The following ZNF25 variants were observed in gnomAD, a reference collection of about 807,000 sequenced individuals.
ZNF25 encodes zinc finger protein 25, also known as zinc finger protein 25 (KOX 19).
Under a neutral mutation model 30.9 loss-of-function variants are expected in ZNF25, and 21 were observed. The observed-to-expected ratio is 0.68, with a 90% CI of 0.48 to 0.98. The LOEUF (loss-of-function observed/expected upper bound fraction) is 0.98. Among genes scored for constraint, ZNF25 ranks in the 50% least tolerant of loss-of-function variants. ZNF25 has a pLI of 0.00. For synonymous variants in ZNF25, 169 were observed against 181.3 expected (o/e 0.93, Z 0.55); for missense variants, 501 against 529.9 (o/e 0.95, Z 0.54).
In ZNF25 at chr10:37,952,701, G is replaced by C; in HGVS notation, c.797C>G (p.Ala266Gly). The change falls in exon 6 of 6, where the codon GCC becomes GGC. Residue 266 changes from alanine to glycine, a missense_variant. Ala to Gly is a moderately conservative substitution (Grantham distance 60). Coordinates refer to ENST00000302609, the MANE Select transcript of ZNF25 (RefSeq NM_145011.4). ...TGTGAGGTGTGACTTCTGGGAAAAG[G>C]CTTTCCCACACTCCTTACACTCATA... ...KPYECKECGK[A>G]FSQKSHLTVH... The C allele has an allele frequency of 6.2e-7, 1 of 1,613,148 alleles. No individual in the cohort carries two copies. The highest frequency in any genetic ancestry group is 8.5e-7 in the Non-Finnish European group (1 of 1,179,762).
At position 37,953,209 on chromosome 10, in the gene ZNF25, T is replaced by C; in HGVS notation, c.303-14A>G. ...AGTTCTCCATTCCTAGACAGAAAGTTCCACATTCATTAATGTGTAAGACTT... is the reference window on the plus strand; with the variant it reads ...AGTTCTCCATTCCTAGACAGAAAGTCCCACATTCATTAATGTGTAAGACTT... On this transcript the variant is annotated splice_polypyrimidine_tract_variant and intron_variant, in intron 5 of 5. Coordinates refer to ENST00000302609, the MANE Select transcript of ZNF25 (RefSeq NM_145011.4). 1 of 1,558,554 alleles carries C rather than the reference T, an allele frequency of 6.4e-7. No individual in the cohort carries two copies. The highest frequency in any genetic ancestry group is 8.6e-7 in the Non-Finnish European group (1 of 1,160,190).
chr10:37,975,273 CAAAG>C (rs2063737908), intron 1 of ZNF25, among the ~76,000 whole-genome samples: 1 of 151,180 alleles, frequency 6.6e-6, no homozygotes, highest in Non-Finnish European at 1.5e-5. Flanking sequence ...ATTTGCAACA[CAAAG>C]AAATGATAAA....
chr10:37,973,664 A>G (rs2063627934), intron 1 of ZNF25, among the ~76,000 whole-genome samples: 1 of 152,082 alleles, frequency 6.6e-6, no homozygotes, highest in Non-Finnish European at 1.5e-5. Flanking sequence ...TCCCATGCTC[A>G]TGGACTGGCA....
At position 37,952,515 on chromosome 10, in the gene ZNF25, G is replaced by C. The variant is rs776247562; in HGVS notation, c.983C>G (p.Ala328Gly). 2 of 1,604,582 alleles carry C rather than the reference G, an allele frequency of 1.2e-6. No individual in the cohort carries two copies. Among genetic ancestry groups the C allele is most frequent in the Middle Eastern group, 1.7e-4 (1 of 5,980 alleles). ...ECRKCFYQKS[A>G]LTVHQRTHTG... ...GTGAGTTCGCTGATGTACTGTGAGG[G>C]CTGACTTCTGGTAGAAGCATTTCCT... The change falls in exon 6 of 6, where the codon GCC becomes GGC. Residue 328 changes from alanine to glycine, a missense_variant. Physicochemically the swap from Ala to Gly is moderately conservative, Grantham distance 60. Transcript: ENST00000302609.
intron 1 of ZNF25, among the ~76,000 whole-genome samples, 187 bp downstream of exon 1, chr10:37,976,319 G>A (rs2063811819): frequency 6.6e-6 from 1 of 152,172 alleles, no homozygotes; most frequent in Non-Finnish European, 1.5e-5. Flanking sequence ...GCCTCCTCTG[G>A]CCGCCCCTCA....
chr10:37,974,474 A>G (rs2063683583), intron 1 of ZNF25, among the ~76,000 whole-genome samples: 1 of 152,212 alleles, frequency 6.6e-6, no homozygotes, highest in Non-Finnish European at 1.5e-5. Flanking sequence ...CAGACATTCC[A>G]CAATAGAAGA....
chr10:37,971,569 A>AT, intron 2 of ZNF25, 139 bp downstream of exon 2: 1 of 1,425,540 alleles, frequency 7.0e-7, no homozygotes, highest in Non-Finnish European at 9.5e-7. Flanking sequence ...CCTGTAGGTG[A>AT]TTTTTAACTA....
At position 37,970,231 on chromosome 10, in the gene ZNF25, C is replaced by T. The variant is rs184239655; in HGVS notation, c.15+1477G>A. Among the ~76,000 whole-genome samples the T allele has an allele frequency of 1.8e-3, 279 of 152,188 alleles. 4 individuals carry two copies. The highest frequency in any genetic ancestry group is 2.6e-3 in the Non-Finnish European group (176 of 67,998). On this transcript the variant is annotated intron_variant, in intron 2 of 5. Transcript: ENST00000302609. ...TGGTGATAGATGCAAAAATCCTCAACAAAATGTTAGCAAATCTAATTCAGC... is the reference window on the plus strand; with the variant it reads ...TGGTGATAGATGCAAAAATCCTCAATAAAATGTTAGCAAATCTAATTCAGC...
chr10:37,950,343 T>C lies in ZNF25; in HGVS notation c.*1784A>G, dbSNP rs767552317. 7 of 152,470 alleles carry C rather than the reference T, an allele frequency of 4.6e-5. No homozygotes were observed. Among genetic ancestry groups the C allele is most frequent in the Non-Finnish European group, 7.3e-5 (5 of 68,042 alleles). 9.4% of individuals were successfully genotyped at this position (152,470 alleles called of 1,614,324 possible). On this transcript the variant is annotated 3_prime_UTR_variant, in exon 6 of 6. Transcript: ENST00000302609. ...TAATTTTCATGTGTCACAATATTCTTTGATTCTTTCAACCATTTAGAAATA... is the reference window on the plus strand; with the variant it reads ...TAATTTTCATGTGTCACAATATTCTCTGATTCTTTCAACCATTTAGAAATA...
intron 2 of ZNF25, among the ~76,000 whole-genome samples, chr10:37,969,504 G>A (rs557029013): frequency 6.6e-5 from 10 of 152,262 alleles, no homozygotes; most frequent in Admixed American, 5.2e-4. Context: ...GTAAAAGAAG[G>A]CAGATACAAA....
chr10:37,953,317 T>G, intron 5 of ZNF25, 122 bp from the exon 6 acceptor site: 6 of 886,814 alleles, frequency 6.8e-6, no homozygotes, highest in Non-Finnish European at 8.4e-6. Flanking sequence ...GTTCCCATAT[T>G]TACTGGATCC....
rs182144228 is a variant in ZNF25 at position 37,958,602 on chromosome 10, A to G, written c.16-1056T>C. 7.2e-5 allele frequency among the ~76,000 whole-genome samples: 11 copies of G among 152,278 alleles called. No homozygotes were observed. The East Asian group carries it at 1.9e-3, about 27-fold the overall frequency. ...ATCTCTGCTTATTAATATAATACATACCTTTGCATGTATTAATGTTTATTA... is the reference window on the plus strand; with the variant it reads ...ATCTCTGCTTATTAATATAATACATGCCTTTGCATGTATTAATGTTTATTA... On this transcript the variant is annotated intron_variant, in intron 2 of 5. Transcript: ENST00000302609.
At chr10:37,961,883 T>G (rs1214305134) in intron 2 of ZNF25, among the ~76,000 whole-genome samples, 1 of 134,898 alleles carries the variant, frequency 7.4e-6, no homozygotes, top group Non-Finnish European at 1.5e-5. Flanking sequence ...ATCATGGCAT[T>G]GCACTCCAGC....
At chr10:37,963,204 C>T (rs2135384556) in intron 2 of ZNF25, among the ~76,000 whole-genome samples, 1 of 152,090 alleles carries the variant, frequency 6.6e-6, no homozygotes, top group South Asian at 2.1e-4. Context: ...GCAACTACAA[C>T]CTCTGCCTCC....
rs776105918 is a variant in ZNF25, at chr10:37,953,195, C to T, written c.303G>A (p.Arg101=). The change falls in exon 6 of 6, where the codon AGG becomes AGA. Residue 101 remains arginine, a splice_region_variant and synonymous_variant. Coordinates refer to ENST00000302609, the MANE Select transcript of ZNF25 (RefSeq NM_145011.4). ...TCTGATGTTTTGTGAGTTCTCCATT[C>T]CTAGACAGAAAGTTCCACATTCATT... is the stretch of plus-strand genomic sequence containing the variant. ...RYQESQAGNS[R]NGELTKHQKT... The T allele has an allele frequency of 3.4e-5, 53 of 1,571,386 alleles. No individual in the cohort carries two copies. The highest frequency in any genetic ancestry group is 4.4e-5 in the Non-Finnish European group (51 of 1,165,848).
At chr10:37,960,076 G>A (rs954777548) in intron 2 of ZNF25, among the ~76,000 whole-genome samples, 123 of 152,162 alleles carry the variant, frequency 8.1e-4, no homozygotes, top group African/African-American at 2.9e-3. Flanking sequence ...CACCATGCTC[G>A]GCTAATTTTT....
At chr10:37,971,630 AACACACACACACACACACACACACACAC>A in intron 2 of ZNF25, 50 bp downstream of exon 2, 1 of 1,388,712 alleles carries the variant, frequency 7.2e-7, no homozygotes, top group Non-Finnish European at 9.9e-7. Flanking sequence ...AAACTCATTA[AACACACACACACACACACACACACACAC>A]ACACACACAC....
chr10:37,954,904 G>A (rs554996223), intron 4 of ZNF25, among the ~76,000 whole-genome samples: 15 of 152,050 alleles, frequency 9.9e-5, no homozygotes, highest in Admixed American at 2.6e-4. Flanking sequence ...CTGTAATCCC[G>A]GCACTTTGAG....
At chr10:37,956,858 T>A (rs2062558211) in intron 4 of ZNF25, among the ~76,000 whole-genome samples, 162 bp downstream of exon 4, 1 of 142,952 alleles carries the variant, frequency 7.0e-6, no homozygotes, top group Non-Finnish European at 1.5e-5. Flanking sequence ...GAGGTTGCAG[T>A]GAGCTGAGAT....
Sources: gnomAD v4.1 joint callset for allele counts (sites outside exome capture counted in the v4.1 genomes callset) on GRCh38, gnomAD v4.1.1 for gene constraint, MANE v1.5 for transcripts, NCBI Gene and HGNC (gene_info 2026-07-23, HGNC 2026-07-21) for gene names.